The following LRRFIP2 variants were observed in gnomAD, a reference collection of about 807,000 sequenced individuals.
LRRFIP2 encodes the protein leucine-rich repeat flightless-interacting protein 2.
A neutral mutation model predicts 125.9 loss-of-function variants in LRRFIP2; 109 were observed. The observed-to-expected ratio is 0.87, with a 90% CI of 0.74 to 1.01. The LOEUF is 1.01. Among genes scored for constraint, LRRFIP2 ranks in the 50% least tolerant of loss-of-function variants. The pLI, the probability that LRRFIP2 is intolerant of heterozygous loss-of-function variation, is 0.00. For missense variants in LRRFIP2, 850 were observed against 862.3 expected (o/e 0.99, Z 0.18); for synonymous variants, 291 against 293.1 (o/e 0.99, Z 0.07).
At chr3:37,068,894 T>A (rs1430303253) in intron 21 of LRRFIP2, 2 of 152,292 alleles carry the variant, frequency 1.3e-5, no homozygotes, top group African/African-American at 4.8e-5. Flanking sequence ...GCTCCTGGTG[T>A]TTAGAACCGC....
chr3:37,063,075 A>G (rs1357902703), intron 24 of LRRFIP2, among the ~76,000 whole-genome samples: 2 of 152,162 alleles, frequency 1.3e-5, no homozygotes, highest in African/African-American at 2.4e-5. Flanking sequence ...GGATTAATCT[A>G]CTCTTGGAGA....
chr3:37,170,571 C>T (rs1025423399), intron 1 of LRRFIP2: 2 of 152,176 alleles, frequency 1.3e-5, no homozygotes, highest in Non-Finnish European at 2.9e-5. Flanking sequence ...GTCCATTATT[C>T]CAAGAGTCCT....
chr3:37,072,121 C>T (rs1472339137), intron 21 of LRRFIP2, among the ~76,000 whole-genome samples: 1 of 152,146 alleles, frequency 6.6e-6, no homozygotes, highest in African/African-American at 2.4e-5. Flanking sequence ...CACCACTACC[C>T]TCTTCTTATC....
chr3:37,108,520 A>AATGACTT lies in LRRFIP2; in HGVS notation c.657+110_657+116dup, dbSNP rs2094432991. On this transcript the variant is annotated intron_variant, in intron 12 of 27. Transcript: ENST00000336686. ...TAGAGAGTAATTCCAGGTCAGATTAAATGACTTTTTCTTTGTATATTTTTC... is the reference window on the plus strand; with the variant it reads ...TAGAGAGTAATTCCAGGTCAGATTAAATGACTTATGACTTTTTCTTTGTATATTTTTC... The AATGACTT allele has an allele frequency of 1.5e-5, 12 of 798,320 alleles. No individual in the cohort carries two copies. In the South Asian group the frequency reaches 2.3e-4, roughly 15 times the overall value. 49.5% of individuals were successfully genotyped at this position (798,320 alleles called of 1,614,324 possible).
intron 17 of LRRFIP2, among the ~76,000 whole-genome samples, 177 bp from the exon 18 acceptor site, chr3:37,091,715 G>C (rs1000120211): frequency 6.6e-6 from 1 of 152,180 alleles, no homozygotes; most frequent in Non-Finnish European, 1.5e-5. Context: ...TAGGTCAGGG[G>C]ATAGTGGGAC....
intron 6 of LRRFIP2, among the ~76,000 whole-genome samples, chr3:37,116,611 A>G (rs561915502): frequency 1.2e-4 from 18 of 152,244 alleles, no homozygotes; most frequent in Non-Finnish European, 2.1e-4. Context: ...TTATGGTGTA[A>G]AATGTATTTC....
At chr3:37,055,700 T>C (rs2086642518) in intron 25 of LRRFIP2, among the ~76,000 whole-genome samples, 1 of 152,202 alleles carries the variant, frequency 6.6e-6, no homozygotes, top group Non-Finnish European at 1.5e-5. Context: ...CAGCAAGAGT[T>C]AGAAGAAAAT....
intron 2 of LRRFIP2, 33 bp from the exon 3 acceptor site, chr3:37,129,182 A>G: frequency 2.6e-6 from 4 of 1,566,146 alleles, no homozygotes; most frequent in Non-Finnish European, 2.6e-6. Context: ...GCTTTATACA[A>G]CAAAAACAAA....
chr3:37,165,259 A>G (rs2096450887), intron 1 of LRRFIP2, among the ~76,000 whole-genome samples: 1 of 151,896 alleles, frequency 6.6e-6, no homozygotes, highest in Non-Finnish European at 1.5e-5. Flanking sequence ...AAAAACAAAA[A>G]AAAATGAACT....
chr3:37,054,415 CGTT>C lies in LRRFIP2; in HGVS notation c.2048_2050del (p.Gln683del). On this transcript the variant is annotated inframe_deletion, in exon 27 of 28. Transcript: ENST00000336686. ...GAAACATATTAAAAGAAGTACCTCT[CGTT>C]GTAGCTTCCGTTTTTCTGCTTTCAA... 6.2e-7 allele frequency: 1 copy of C among 1,610,866 alleles called. No individual in the cohort carries two copies. The highest frequency in any genetic ancestry group is 8.5e-7 in the Non-Finnish European group (1 of 1,177,406).
At chr3:37,128,951 T>A in intron 3 of LRRFIP2, 112 bp downstream of exon 3, 1 of 947,920 alleles carries the variant, frequency 1.1e-6, no homozygotes, top group Non-Finnish European at 1.7e-6. Flanking sequence ...CATACATCAG[T>A]TTATACTATT....
intron 1 of LRRFIP2, among the ~76,000 whole-genome samples, chr3:37,155,880 GT>G (rs1321966390): frequency 2.6e-5 from 4 of 151,216 alleles, no homozygotes; most frequent in African/African-American, 4.9e-5. Flanking sequence ...TTTAAAAAAA[GT>G]TTTTTTTTGG....
chr3:37,081,302 G>A (rs2092619743), intron 19 of LRRFIP2, among the ~76,000 whole-genome samples: 1 of 152,138 alleles, frequency 6.6e-6, no homozygotes. Flanking sequence ...GTAATTCCAG[G>A]AGGAGGCACC....
intron 1 of LRRFIP2, among the ~76,000 whole-genome samples, chr3:37,166,356 T>C (rs2096489656): frequency 6.6e-6 from 1 of 150,460 alleles, no homozygotes; most frequent in African/African-American, 2.5e-5. Context: ...TAAAATAAAA[T>C]AAAATAAAAA....
In LRRFIP2 at chr3:37,121,512, G is replaced by C. The variant is rs767614941; in HGVS notation, c.310C>G (p.Arg104Gly). 8 of 1,613,996 alleles carry C rather than the reference G, an allele frequency of 5.0e-6. No individual in the cohort carries two copies. Among genetic ancestry groups the C allele is most frequent in the Non-Finnish European group, 6.8e-6 (8 of 1,179,898 alleles). Residue 104 changes from arginine to glycine, a missense_variant, in exon 6 of 28, where the codon CGA becomes GGA. By Grantham distance (125) the Arg-to-Gly change is moderately radical. Coordinates refer to ENST00000336686, the MANE Select transcript of LRRFIP2 (RefSeq NM_006309.4). Reference sequence around the variant, plus strand: ...CCAACCCTGTGACTGCCAACACTTCGAATGGACAATGCATCCTCAACTCCC... The same window carrying C: ...CCAACCCTGTGACTGCCAACACTTCCAATGGACAATGCATCCTCAACTCCC... Reference protein sequence around the residue: ...YLGVEDALSIRSVGSHRYDMF... With the variant: ...YLGVEDALSIGSVGSHRYDMF...
intron 4 of LRRFIP2, among the ~76,000 whole-genome samples, chr3:37,126,507 A>G (rs1443917706): frequency 6.6e-6 from 1 of 152,074 alleles, no homozygotes; most frequent in African/African-American, 2.4e-5. Flanking sequence ...CACCCCTTTC[A>G]ATGAAAATCT....
chr3:37,079,291 G>A (rs906897562), intron 19 of LRRFIP2, among the ~76,000 whole-genome samples: 6 of 152,192 alleles, frequency 3.9e-5, no homozygotes, highest in African/African-American at 1.2e-4. Flanking sequence ...TGTTGGTGAG[G>A]ATGTGGGGAA....
At chr3:37,092,782 C>T (rs2093519039) in intron 17 of LRRFIP2, among the ~76,000 whole-genome samples, 1 of 152,188 alleles carries the variant, frequency 6.6e-6, no homozygotes, top group South Asian at 2.1e-4. Context: ...CCTCTCTATC[C>T]TCCCCTAACC....
intron 15 of LRRFIP2, among the ~76,000 whole-genome samples, chr3:37,097,518 A>G (rs1281279561): frequency 6.6e-6 from 1 of 152,192 alleles, no homozygotes; most frequent in Non-Finnish European, 1.5e-5. Flanking sequence ...TATCAAGAAT[A>G]GTGTCTGGCA....
Sources: allele counts gnomAD v4.1 joint callset (sites outside exome capture counted in the v4.1 genomes callset), GRCh38; gene constraint gnomAD v4.1.1; transcripts MANE v1.5; gene names NCBI Gene and HGNC (gene_info 2026-07-23, HGNC 2026-07-21).